The following RYR1 variants were observed in gnomAD, a reference collection of about 807,000 sequenced individuals.
The protein encoded by RYR1 is ryanodine receptor 1.
In RYR1, 342 loss-of-function variants were observed where a neutral mutation model predicts 583.5. That is an observed-to-expected ratio of 0.59 (90% CI 0.54 to 0.64). RYR1 has a LOEUF of 0.64. RYR1 is among the 30% of genes least tolerant of loss of function. The pLI is 0.00. For missense variants in RYR1, 6,032 were observed against 6,917.2 expected (o/e 0.87, Z 4.54); for synonymous variants, 2,791 against 2,822.5 (o/e 0.99, Z 0.35).
In RYR1 at chr19:38,490,831, G is replaced by A. The variant is rs114488272; in HGVS notation, c.6127+99G>A. 2,347 of 775,042 alleles carry A rather than the reference G, an allele frequency of 3.0e-3. 41 individuals carry two copies. The African/African-American group carries it at 0.035, about 12-fold the overall frequency. The allele number at this position is 775,042 out of a possible 1,614,324, so 48.0% of individuals were successfully genotyped here. On this transcript the variant is annotated intron_variant, in intron 37 of 105. Transcript: ENST00000359596. ...TTTCCTGACAACCCTCTACAGTATCGGTGCTATGTAACTATTGGTTGAATG... is the reference window on the plus strand; with the variant it reads ...TTTCCTGACAACCCTCTACAGTATCAGTGCTATGTAACTATTGGTTGAATG...
chr19:38,488,668 A>AT lies in RYR1; in HGVS notation c.5548-500dup, dbSNP rs987631112. On this transcript the variant is annotated intron_variant, in intron 34 of 105. Transcript: ENST00000359596. ...AGGCGTGCACCACCACACCCAGCTA[A>AT]TTTTTTTTTGTATTTTTGTAGAGAC... 4.6e-4 allele frequency among the ~76,000 whole-genome samples: 69 copies of AT among 151,324 alleles called. 1 individual carries two copies. The highest frequency in any genetic ancestry group is 6.8e-3 in the Middle Eastern group (2 of 294).
chr19:38,502,855 C>T lies in RYR1; in HGVS notation c.7836-25C>T, dbSNP rs201945985. On this transcript the variant is annotated intron_variant, in intron 48 of 105. Transcript: ENST00000359596. Reference sequence around the variant, plus strand: ...GCAGAGCGGGCCTGGACGGGGGATTCTACATCTTGTGCATTGTCCCGCAGG... The same window carrying T: ...GCAGAGCGGGCCTGGACGGGGGATTTTACATCTTGTGCATTGTCCCGCAGG... 5.8e-4 allele frequency: 928 copies of T among 1,605,252 alleles called. 5 individuals are homozygous for T. In the South Asian group the frequency reaches 6.5e-3, roughly 11 times the overall value.
chr19:38,525,498 C>T lies in RYR1; in HGVS notation c.10622C>T (p.Ala3541Val), dbSNP rs751242873. The change falls in exon 71 of 106, where the codon GCC becomes GTC. Residue 3541 changes from alanine to valine, a missense_variant. This residue lies in a region of RYR1 where 1,493 missense variants were observed against 1,715.5 expected (regional missense o/e 0.87). Coordinates refer to ENST00000359596, the MANE Select transcript of RYR1 (RefSeq NM_000540.3). ...ATCACGCTGGCCAAGACCCGTTACG[C>T]CCTGGTGCCTGCCCAGCCCCGTCCT... ...DLITLAKTRY[A>V]LKDTDEEVRE... is the part of the protein sequence containing the mutation. 3.1e-6 allele frequency: 5 copies of T among 1,613,742 alleles called. No homozygotes were observed. Among genetic ancestry groups the T allele is most frequent in the Non-Finnish European group, 4.2e-6 (5 of 1,179,932 alleles).
At chr19:38,456,074 C>T (rs1422271486) in intron 16 of RYR1, among the ~76,000 whole-genome samples, 8 of 146,918 alleles carry the variant, frequency 5.4e-5, no homozygotes, top group South Asian at 2.1e-4. Context: ...TGGGTTCAAG[C>T]GATTCTCCTG....
rs1971493765 is a variant in RYR1, at chr19:38,526,973, G to C, written c.10627-20G>C. The C allele has an allele frequency of 6.2e-7, 1 of 1,613,598 alleles. No homozygotes were observed. The highest frequency in any genetic ancestry group is 8.5e-7 in the Non-Finnish European group (1 of 1,179,754). ...AGGATGGGACCTCCAGAGTGACCCA[G>C]CCTGGCTCTGTCTCCCCAGAAAGAC... On this transcript the variant is annotated intron_variant, in intron 71 of 105. Transcript: ENST00000359596.
At chr19:38,513,324 G>A (rs1600875393) in intron 63 of RYR1, among the ~76,000 whole-genome samples, 1 of 151,348 alleles carries the variant, frequency 6.6e-6, no homozygotes, top group South Asian at 2.1e-4. Context: ...GCAACAGAGC[G>A]AGACTCCATC....
intron 13 of RYR1, among the ~76,000 whole-genome samples, chr19:38,453,293 G>T (rs1967187360): frequency 6.6e-6 from 1 of 151,424 alleles, no homozygotes; most frequent in South Asian, 2.1e-4. Flanking sequence ...TGGAGAGAAG[G>T]ATGGAATAAA....
chr19:38,543,525 C>T lies in RYR1; in HGVS notation c.11779-7C>T. ...GCACCCCCTCACACCCTACCCGCCC[C>T]CACCAGGAATCCATCAGCGACTTCT... On this transcript the variant is annotated splice_region_variant and splice_polypyrimidine_tract_variant and intron_variant, in intron 85 of 105. Transcript: ENST00000359596. This position sits in a 1 kb window ranked among gnomAD's most constrained non-coding sequence, Gnocchi z 4.4. The T allele has an allele frequency of 6.2e-7, 1 of 1,614,196 alleles. No homozygotes were observed. Among genetic ancestry groups the T allele is most frequent in the South Asian group, 1.1e-5 (1 of 91,084 alleles).
chr19:38,565,598 G>T lies in RYR1; in HGVS notation c.13264G>T (p.Glu4422Ter). The stretch of plus-strand genomic sequence containing the variant: ...AGACGCCGCGGAGGGCGCTGGAGAC[G>T]AGGAGGAGGCGGTGCACGAGGCCGG... Reference protein sequence around the residue: ...AGDAAEGAGDEEEAVHEAGPG... With the variant: ...AGDAAEGAGD Residue 4422 changes from glutamate to a stop codon, truncating the protein, a stop_gained, in exon 91 of 106, where the codon GAG (glutamate) becomes TAG (stop). Transcript: ENST00000359596. LOFTEE classifies it high-confidence loss of function. This position sits in a 1 kb window ranked among gnomAD's most constrained non-coding sequence, Gnocchi z 4.7. 2 of 1,458,442 alleles carry T rather than the reference G, an allele frequency of 1.4e-6. No individual in the cohort carries two copies. The highest frequency in any genetic ancestry group is 1.8e-6 in the Non-Finnish European group (2 of 1,112,588). 90.3% of individuals were successfully genotyped at this position (1,458,442 alleles called of 1,614,324 possible).
At chr19:38,587,245 C>T (rs765598764) in intron 105 of RYR1, 80 bp from the exon 106 acceptor site, 373 of 971,230 alleles carry the variant, frequency 3.8e-4, no homozygotes, top group Non-Finnish European at 5.6e-4. Context: ...AGAGCAACAC[C>T]CTGTCTAAAA....
At chr19:38,555,841 T>C (rs1284489314) in intron 89 of RYR1, among the ~76,000 whole-genome samples, 2 of 152,122 alleles carry the variant, frequency 1.3e-5, no homozygotes, top group African/African-American at 4.8e-5. Context: ...AGAAATACAA[T>C]ATGAGCAATA....
rs144743826 is a variant in RYR1 at position 38,454,096 on chromosome 19, G to A, written c.1440+1082G>A. On this transcript the variant is annotated intron_variant, in intron 13 of 105. Transcript: ENST00000359596. ...CTGTCACCCAGGCTGGAGTGCAGTG[G>A]TGTGATCTTGGCTCACTGCAACCTC... Among the ~76,000 whole-genome samples the A allele has an allele frequency of 2.2e-3, 342 of 152,288 alleles. 2 individuals carry two copies. Among genetic ancestry groups the A allele is most frequent in the African/African-American group, 6.4e-3 (266 of 41,534 alleles).
rs375919300 is a variant in RYR1, at chr19:38,500,445, T to TG, written c.7324-154dup. Among the ~76,000 whole-genome samples the TG allele has an allele frequency of 6.0e-4, 25 of 41,750 alleles. No individual in the cohort carries two copies. Among genetic ancestry groups the TG allele is most frequent in the South Asian group, 1.5e-3 (2 of 1,300 alleles). The allele number at this position is 41,750 out of a possible 152,430, so 27.4% of individuals were successfully genotyped here. ...ACAAGGAGAGAGGTCGGGACTGGGG[T>TG]GGGGGGGCACAGGCAGAGGAACGAG... On this transcript the variant is annotated intron_variant, in intron 45 of 105. Coordinates refer to ENST00000359596, the MANE Select transcript of RYR1 (RefSeq NM_000540.3). This position sits in a 1 kb window ranked among gnomAD's most constrained non-coding sequence, Gnocchi z 5.9.
In RYR1 at chr19:38,507,814, C is replaced by A; in HGVS notation, c.8919C>A (p.Phe2973Leu). 1 of 1,610,854 alleles carries A rather than the reference C, an allele frequency of 6.2e-7. No individual in the cohort carries two copies. Among genetic ancestry groups the A allele is most frequent in the South Asian group, 1.1e-5 (1 of 90,938 alleles). Reference sequence around the variant, plus strand: ...GCTGGATGGACATTTCTCAGGAGTTCATTGCCCACCTGGGTACGGAGAAAT... The same window carrying A: ...GCTGGATGGACATTTCTCAGGAGTTAATTGCCCACCTGGGTACGGAGAAAT... ...LLRWMDISQE[F>L]IAHLEAVVSS... Residue 2973 changes from phenylalanine (F) to leucine (L), a missense_variant, in exon 58 of 106, where the codon TTC (phenylalanine) becomes TTA (leucine). Physicochemically the swap from Phe to Leu is conservative, Grantham distance 22 (BLOSUM62 0). Transcript: ENST00000359596.
At chr19:38,484,801 C>T (rs1302572369) in intron 33 of RYR1, among the ~76,000 whole-genome samples, 1 of 152,068 alleles carries the variant, frequency 6.6e-6, no homozygotes, top group African/African-American at 2.4e-5. Context: ...GAACCCGTCT[C>T]CACATTTTTT....
Position 38,512,460 on chromosome 19 carries a change from A to C in RYR1, c.9449A>C (p.His3150Pro). The C allele has an allele frequency of 1.2e-6, 2 of 1,612,610 alleles. No homozygotes were observed. The highest frequency in any genetic ancestry group is 1.7e-6 in the Non-Finnish European group (2 of 1,180,018). Residue 3150 changes from histidine (H) to proline (P), a missense_variant, in exon 63 of 106, where the codon CAC becomes CCC. His to Pro is a moderately conservative substitution (Grantham distance 77). This residue lies in a region of RYR1 where 1,493 missense variants were observed against 1,715.5 expected (regional missense o/e 0.87). Transcript: ENST00000359596. This position sits in a 1 kb window ranked among gnomAD's most constrained non-coding sequence, Gnocchi z 5.1. The stretch of plus-strand genomic sequence containing the variant: ...ACCCTCTTCCAGCACATCGCCCAGC[A>C]CCAGTTCGGAGATGACGTCATCCGT... The part of the protein sequence containing the change: ...LTTLFQHIAQ[H>P]QFGDDVILDD...
chr19:38,564,888 C>T, intron 90 of RYR1, 71 bp from the exon 91 acceptor site: 1 of 1,534,162 alleles, frequency 6.5e-7, no homozygotes, highest in South Asian at 1.2e-5. Context: ...CTTGTAGCTG[C>T]CACTGCGCTG....
rs144346875 is a variant in RYR1, at chr19:38,580,698, A to T, written c.14646+194A>T. 9.2e-5 allele frequency among the ~76,000 whole-genome samples: 14 copies of T among 151,656 alleles called. 1 individual carries two copies. The highest frequency in any genetic ancestry group is 3.4e-4 in the African/African-American group (14 of 41,390). ...AACAAAGCAAAAATCCTGTCTCTAT[A>T]AAAAAAAATTTAAACGTTAGCTGGG... On this transcript the variant is annotated intron_variant, in intron 101 of 105. Coordinates refer to ENST00000359596, the MANE Select transcript of RYR1 (RefSeq NM_000540.3).
At chr19:38,472,029 A>AG (rs1276123487) in intron 27 of RYR1, among the ~76,000 whole-genome samples, 4 of 151,458 alleles carry the variant, frequency 2.6e-5, no homozygotes, top group Non-Finnish European at 5.9e-5. Flanking sequence ...GGTCAACGTG[A>AG]GGAGGGGCAT....
Sources: gnomAD v4.1 joint callset for allele counts (sites outside exome capture counted in the v4.1 genomes callset) on GRCh38, gnomAD v4.1.1 for gene constraint, gnomAD v4.1.1 regional missense constraint, Gnocchi (gnomAD v3.1) non-coding constraint, MANE v1.5 for transcripts, NCBI Gene and HGNC (gene_info 2026-07-23, HGNC 2026-07-21) for gene names.